VGLL4: variants seen among roughly 807,000 people sequenced by gnomAD.
The protein encoded by VGLL4 is transcription cofactor vestigial-like protein 4.
A neutral mutation model predicts 21.0 loss-of-function variants in VGLL4; 7 were observed. That is an observed-to-expected ratio of 0.33 (90% CI 0.19 to 0.63). VGLL4 has a LOEUF of 0.63. Among genes scored for constraint, VGLL4 ranks in the 20% least tolerant of loss-of-function variants. The probability of loss-of-function intolerance (pLI) is 0.78; values close to 1 mark genes in which losing one functional copy is unlikely to be tolerated. For synonymous variants in VGLL4, 222 were observed against 173.2 expected (o/e 1.28, Z -2.21); for missense variants, 394 against 425.7 (o/e 0.93, Z 0.66).
intron 2 of VGLL4, among the ~76,000 whole-genome samples, chr3:11,577,492 C>A (rs2074088334): frequency 1.3e-5 from 2 of 152,078 alleles, no homozygotes; most frequent in South Asian, 4.1e-4. Flanking sequence ...ACTCGGGAGG[C>A]TGAGGCAAGA....
intron 2 of VGLL4, among the ~76,000 whole-genome samples, chr3:11,656,194 A>C (rs2574697): frequency 1 from 152,322 of 152,322 alleles, 76,161 homozygotes; most frequent in Non-Finnish European, 1. Context: ...GAACAGGCCT[A>C]CCAGGGAGCA....
intron 1 of VGLL4, chr3:11,633,454 G>A (rs2075522762): frequency 6.6e-6 from 1 of 152,568 alleles, no homozygotes; most frequent in Non-Finnish European, 1.5e-5. Flanking sequence ...AAGATCACGA[G>A]GTCAAGAGAT....
chr3:11,643,684 C>T lies in VGLL4; in HGVS notation c.-166G>A. On this transcript the variant is annotated 5_prime_UTR_variant, in exon 1 of 5. Coordinates refer to ENST00000430365, the MANE Select transcript of VGLL4 (RefSeq NM_001128219.3). ...ATGCAAAAGTTAAAAAAAAAAAAAT[C>T]AGGCACAAAAAAATCGAGCTCACAC... The T allele has an allele frequency of 1.4e-6, 2 of 1,401,916 alleles. No homozygotes were observed. The highest frequency in any genetic ancestry group is 9.3e-7 in the Non-Finnish European group (1 of 1,079,246). 86.8% of individuals were successfully genotyped at this position (1,401,916 alleles called of 1,614,324 possible).
intron 1 of VGLL4, among the ~76,000 whole-genome samples, chr3:11,622,253 T>C (rs2075277487): frequency 1.3e-5 from 2 of 152,222 alleles, no homozygotes; most frequent in Non-Finnish European, 1.5e-5. Context: ...TCCGGTTTCT[T>C]GATAAGCCAG....
intron 2 of VGLL4, among the ~76,000 whole-genome samples, chr3:11,690,373 C>G (rs1389765555): frequency 6.6e-6 from 1 of 152,164 alleles, no homozygotes; most frequent in Non-Finnish European, 1.5e-5. Context: ...AAGAGAGAAG[C>G]TGGATGCATG....
chr3:11,704,396 A>C (rs59779945), intron 1 of VGLL4, among the ~76,000 whole-genome samples: 2 of 149,880 alleles, frequency 1.3e-5, no homozygotes, highest in African/African-American at 4.9e-5. Flanking sequence ...AAAAAAAAAA[A>C]AAAAAAAAAG....
intron 2 of VGLL4, among the ~76,000 whole-genome samples, chr3:11,669,281 A>G (rs2076171391): frequency 6.6e-6 from 1 of 152,184 alleles, no homozygotes; most frequent in Non-Finnish European, 1.5e-5. Flanking sequence ...CTCCCAGCTC[A>G]GGAGAAAGCC....
intron 2 of VGLL4, chr3:11,693,068 G>A: frequency 5.2e-6 from 1 of 193,720 alleles, no homozygotes; most frequent in Non-Finnish European, 1.1e-5. Context: ...TACTCGAGAG[G>A]CTGAGGTGGG....
intron 2 of VGLL4, among the ~76,000 whole-genome samples, chr3:11,596,714 A>C (rs1376141714): frequency 6.6e-6 from 1 of 152,198 alleles, no homozygotes; most frequent in East Asian, 1.9e-4. Flanking sequence ...GTGGCTACTA[A>C]GCTTGAAATG....
chr3:11,581,137 G>A lies in VGLL4; in HGVS notation c.273-16118C>T, dbSNP rs964453830. Among the ~76,000 whole-genome samples, 13 of 150,536 alleles carry A rather than the reference G, an allele frequency of 8.6e-5. No homozygotes were observed. In the Admixed American group the frequency reaches 8.6e-4, roughly 10 times the overall value. ...GCTGGCATGCAGTGGCACGATCTCA[G>A]CTCACTGCAACCTCTGCCTCCTGGG... On this transcript the variant is annotated intron_variant, in intron 2 of 4. Transcript: ENST00000430365.
chr3:11,698,872 GTAC>G (rs1331039443), intron 2 of VGLL4, among the ~76,000 whole-genome samples: 1 of 152,102 alleles, frequency 6.6e-6, no homozygotes, highest in African/African-American at 2.4e-5. Flanking sequence ...GTCATAATAG[GTAC>G]TGTTCCCTTC....
Position 11,715,654 on chromosome 3 carries a change from A to G in VGLL4, c.-14+4740T>C, listed in dbSNP as rs149932767. ...CGGCCCAGTTCTTGTTATTCATAGT[A>G]GTTGTGTTCTGTAAAATCTCTGTGA... On this transcript the variant is annotated intron_variant, in intron 1 of 5. Transcript: ENST00000273038. Among the ~76,000 whole-genome samples, 751 of 152,184 alleles carry G rather than the reference A, an allele frequency of 4.9e-3. 4 individuals carry two copies. Among genetic ancestry groups the G allele is most frequent in the Non-Finnish European group, 7.0e-3 (477 of 67,998 alleles).
At chr3:11,590,271 G>A (rs778260761) in intron 2 of VGLL4, among the ~76,000 whole-genome samples, 4 of 152,178 alleles carry the variant, frequency 2.6e-5, no homozygotes, top group Non-Finnish European at 5.9e-5. Context: ...TCAATGACAT[G>A]GAAATTTAGG....
intron 2 of VGLL4, among the ~76,000 whole-genome samples, chr3:11,663,980 A>C (rs1454006324): frequency 6.6e-6 from 1 of 152,040 alleles, no homozygotes; most frequent in East Asian, 1.9e-4. Context: ...GGCTGGGCGC[A>C]GTGGCTCACA....
chr3:11,660,029 G>A (rs1320508136), intron 2 of VGLL4, among the ~76,000 whole-genome samples: 2 of 152,082 alleles, frequency 1.3e-5, no homozygotes, highest in Non-Finnish European at 2.9e-5. Context: ...GGGCGTGGTG[G>A]TGGGCACCTG....
intron 1 of VGLL4, chr3:11,611,797 G>A (rs1288575269): frequency 6.6e-6 from 1 of 152,048 alleles, no homozygotes; most frequent in Non-Finnish European, 1.5e-5. Context: ...CTGACTTGGT[G>A]ATCATCTGCC....
Position 11,664,914 on chromosome 3 carries a change from T to A in VGLL4, c.64+38057A>T, listed in dbSNP as rs190039493. ...CATACCAGTAACTAGTGATCAGGCATCCCAATTTTCTTTTCTCTATTTTTT... is the reference window on the plus strand; with the variant it reads ...CATACCAGTAACTAGTGATCAGGCAACCCAATTTTCTTTTCTCTATTTTTT... On this transcript the variant is annotated intron_variant, in intron 2 of 5. Coordinates refer to the VGLL4 transcript ENST00000273038. Among the ~76,000 whole-genome samples, 5 of 151,628 alleles carry A rather than the reference T, an allele frequency of 3.3e-5. No individual in the cohort carries two copies. In the East Asian group the frequency reaches 9.7e-4, roughly 29 times the overall value.
rs73814926 is a variant in VGLL4, at chr3:11,609,236, T to G, written c.83-7214A>C. On this transcript the variant is annotated intron_variant, in intron 1 of 4. Transcript: ENST00000430365. ...ATCATCTTGACAGCCTCCTTTTGGC[T>G]CTAATGGACTACATCTTCCATAAGA... 2.7e-3 allele frequency among the ~76,000 whole-genome samples: 405 copies of G among 152,336 alleles called. 3 individuals carry two copies. Among genetic ancestry groups the G allele is most frequent in the African/African-American group, 9.3e-3 (385 of 41,584 alleles).
rs1204555938 is a variant in VGLL4 at position 11,556,968 on chromosome 3, C to CA, written c.*1587dup. 5 of 152,692 alleles carry CA rather than the reference C, an allele frequency of 3.3e-5. No homozygotes were observed. The South Asian group carries it at 6.2e-4, about 19-fold the overall frequency. The allele number at this position is 152,692 out of a possible 1,614,324, so 9.5% of individuals were successfully genotyped here. On this transcript the variant is annotated 3_prime_UTR_variant, in exon 5 of 5. Transcript: ENST00000430365. Reference sequence around the variant, plus strand: ...GTCCTCCGACCTTTTCACCCAGTGCCAATTTCCAAAATTCAACAGCTAAAA... The same window carrying CA: ...GTCCTCCGACCTTTTCACCCAGTGCCAAATTTCCAAAATTCAACAGCTAAAA...
Sources: gnomAD v4.1 joint callset for allele counts (sites outside exome capture counted in the v4.1 genomes callset) on GRCh38, gnomAD v4.1.1 for gene constraint, MANE v1.5 for transcripts, NCBI Gene and HGNC (gene_info 2026-07-23, HGNC 2026-07-21) for gene names.